EPHA3: variants seen among roughly 807,000 people sequenced by gnomAD.
The protein encoded by EPHA3 is EPH receptor A3, also known as ephrin type-A receptor 3.
Under a neutral mutation model 107.1 loss-of-function variants are expected in EPHA3, and 42 were observed. That is an observed-to-expected ratio of 0.39 (90% CI 0.31 to 0.51). The LOEUF (loss-of-function observed/expected upper bound fraction) is 0.51, where lower values mean the gene tolerates loss of function less well. Ranked by LOEUF, EPHA3 falls within the 20% of genes least tolerant of loss-of-function variation. The probability of loss-of-function intolerance (pLI) is 0.78; values close to 1 mark genes in which losing one functional copy is unlikely to be tolerated. For missense variants in EPHA3, 1,183 were observed against 1,211.2 expected (o/e 0.98, Z 0.35); for synonymous variants, 461 against 424.8 (o/e 1.09, Z -1.05).
chr3:89,313,466 A>G (rs1195626090), intron 3 of EPHA3, among the ~76,000 whole-genome samples: 6 of 151,966 alleles, frequency 3.9e-5, no homozygotes, highest in Non-Finnish European at 8.8e-5. Flanking sequence ...CAAAATGATT[A>G]GTAAATATGT....
At chr3:89,155,506 T>C (rs1400117065) in intron 2 of EPHA3, among the ~76,000 whole-genome samples, 1 of 152,028 alleles carries the variant, frequency 6.6e-6, no homozygotes, top group African/African-American at 2.4e-5. Flanking sequence ...AAACAAAGTT[T>C]GTAAGAAAGA....
At chr3:89,250,019 C>T (rs1705125199) in intron 3 of EPHA3, among the ~76,000 whole-genome samples, 1 of 152,118 alleles carries the variant, frequency 6.6e-6, no homozygotes, top group African/African-American at 2.4e-5. Flanking sequence ...TACTAGCTTC[C>T]TAACCAAAAA....
intron 3 of EPHA3, among the ~76,000 whole-genome samples, chr3:89,282,351 T>A (rs1705968901): frequency 6.6e-6 from 1 of 152,168 alleles, no homozygotes; most frequent in African/African-American, 2.4e-5. Flanking sequence ...ATTGAGGAAA[T>A]AGCAGATATT....
At chr3:89,126,930 C>T (rs1704108050) in intron 1 of EPHA3, among the ~76,000 whole-genome samples, 2 of 151,556 alleles carry the variant, frequency 1.3e-5, no homozygotes, top group Admixed American at 6.6e-5. Context: ...CTCTTTAAAC[C>T]CATAATTATT....
chr3:89,314,304 G>C (rs534892503), intron 3 of EPHA3, among the ~76,000 whole-genome samples: 1 of 151,692 alleles, frequency 6.6e-6, no homozygotes, highest in East Asian at 1.9e-4. Context: ...AGTATTTTAG[G>C]TTTTGTTTCT....
intron 1 of EPHA3, among the ~76,000 whole-genome samples, chr3:89,124,449 A>G (rs931927130): frequency 4.6e-5 from 7 of 152,152 alleles, no homozygotes; most frequent in African/African-American, 1.7e-4. Flanking sequence ...TAAAGTATTT[A>G]GAATTCTTAG....
At chr3:89,430,007 G>A (rs528750461) in intron 12 of EPHA3, among the ~76,000 whole-genome samples, 7 of 152,038 alleles carry the variant, frequency 4.6e-5, no homozygotes, top group African/African-American at 1.2e-4. Context: ...CAGATGATCC[G>A]CCCTCCTCAG....
chr3:89,226,534 T>C (rs1465688496), intron 3 of EPHA3, among the ~76,000 whole-genome samples: 3 of 152,156 alleles, frequency 2.0e-5, no homozygotes, highest in Non-Finnish European at 4.4e-5. Context: ...GTACAATTTG[T>C]CATAACATAC....
chr3:89,223,986 A>G (rs935360012), intron 3 of EPHA3, among the ~76,000 whole-genome samples: 9 of 152,162 alleles, frequency 5.9e-5, no homozygotes, highest in Non-Finnish European at 1.2e-4. Context: ...TCAAAATCTG[A>G]ACACAGCTTT....
intron 3 of EPHA3, among the ~76,000 whole-genome samples, chr3:89,274,022 C>T (rs753869086): frequency 6.6e-6 from 1 of 151,796 alleles, no homozygotes; most frequent in African/African-American, 2.4e-5. Context: ...AGAGAGTTGC[C>T]TTATTTGACC....
At chr3:89,276,257 A>G (rs567050848) in intron 3 of EPHA3, among the ~76,000 whole-genome samples, 2 of 152,208 alleles carry the variant, frequency 1.3e-5, no homozygotes, top group Non-Finnish European at 2.9e-5. Flanking sequence ...AAGTATGAAA[A>G]GGCTCATAAC....
chr3:89,452,974 T>C (rs1439908244), intron 15 of EPHA3, among the ~76,000 whole-genome samples: 1 of 92,270 alleles, frequency 1.1e-5, no homozygotes, highest in South Asian at 2.5e-4. Flanking sequence ...TAATAACACT[T>C]AGTAGGAATC....
chr3:89,222,619 G>C (rs12496279), intron 3 of EPHA3, among the ~76,000 whole-genome samples: 1 of 151,380 alleles, frequency 6.6e-6, no homozygotes, highest in Admixed American at 6.6e-5. Context: ...TTTAGTAAAT[G>C]TGTACTTATA....
At chr3:89,158,558 T>G (rs76147828) in intron 2 of EPHA3, among the ~76,000 whole-genome samples, 1,534 of 152,248 alleles carry the variant, frequency 0.01, 17 homozygotes, top group Non-Finnish European at 0.017. Flanking sequence ...ATAAAATAAA[T>G]GTACAGGATG....
intron 3 of EPHA3, among the ~76,000 whole-genome samples, chr3:89,305,560 C>T (rs1374907749): frequency 1.3e-5 from 2 of 152,058 alleles, no homozygotes; most frequent in African/African-American, 4.8e-5. Context: ...GTCATACCTC[C>T]AAAAGGTATT....
At chr3:89,476,762 C>G (rs928727079) in intron 16 of EPHA3, among the ~76,000 whole-genome samples, 2 of 151,634 alleles carry the variant, frequency 1.3e-5, no homozygotes. Context: ...CGCCCGCCAC[C>G]ACGCCCCGCT....
chr3:89,359,635 GC>G (rs1708043428), intron 5 of EPHA3, among the ~76,000 whole-genome samples: 2 of 148,954 alleles, frequency 1.3e-5, no homozygotes, highest in African/African-American at 4.9e-5. Context: ...ACTATCAGTA[GC>G]CATTTCTTCT....
rs146856660 is a variant in EPHA3, at chr3:89,431,288, G to T, written c.2275G>T (p.Val759Leu). 1 of 1,613,610 alleles carries T rather than the reference G, an allele frequency of 6.2e-7. No homozygotes were observed. Among genetic ancestry groups the T allele is most frequent in the Non-Finnish European group, 8.5e-7 (1 of 1,179,892 alleles). ...ARNILINSNL[V>L]CKVSDFGLSR... is the part of the protein sequence containing the mutation. ...GAACATCTTGATCAACAGTAACTTG[G>T]TGTGTAAGGTTTCTGATTTCGGACT... The change falls in exon 13 of 17, where the codon GTG (valine) becomes TTG (leucine). Residue 759 changes from valine (V) to leucine (L), a missense_variant. Transcript: ENST00000336596.
chr3:89,412,095 T>G (rs1211910054), intron 9 of EPHA3, among the ~76,000 whole-genome samples: 1 of 151,874 alleles, frequency 6.6e-6, no homozygotes, highest in African/African-American at 2.4e-5. Context: ...TTCCTTTAAT[T>G]TTAGATCATA....
Sources: gnomAD v4.1 joint callset for allele counts (sites outside exome capture counted in the v4.1 genomes callset) on GRCh38, gnomAD v4.1.1 for gene constraint, MANE v1.5 for transcripts, NCBI Gene and HGNC (gene_info 2026-07-23, HGNC 2026-07-21) for gene names.